The following UBR3 variants were observed in gnomAD, a reference collection of about 807,000 sequenced individuals.
UBR3 encodes ubiquitin protein ligase E3 component n-recognin 3.
In UBR3, 85 loss-of-function variants were observed where a neutral mutation model predicts 243.2. The ratio of observed to expected loss-of-function variants is 0.35; its 90% CI spans 0.29 to 0.42. UBR3 has a LOEUF of 0.42. UBR3 is among the 10% of genes least tolerant of loss of function. The pLI is 1.00. For synonymous variants in UBR3, 748 were observed against 799.8 expected (o/e 0.94, Z 1.09); for missense variants, 1,686 against 2,300.8 (o/e 0.73, Z 5.47).
At position 169,992,557 on chromosome 2, in the gene UBR3, A is replaced by G. The variant is rs1435318906; in HGVS notation, c.3785-1766A>G. Among the ~76,000 whole-genome samples the G allele has an allele frequency of 2.6e-5, 4 of 152,158 alleles. No individual in the cohort carries two copies. The South Asian group carries it at 6.2e-4, about 24-fold the overall frequency. ...TATTAAGAGGATTATGCATCATGGT[A>G]ATTATATTTTAGCTGGTAGCATCTA... is the stretch of plus-strand genomic sequence containing the variant. On this transcript the variant is annotated intron_variant, in intron 25 of 38. Coordinates refer to ENST00000272793, the MANE Select transcript of UBR3 (RefSeq NM_172070.4).
chr2:170,010,507 A>G lies in UBR3; in HGVS notation c.4367+1567A>G, dbSNP rs574732451. ...ATAAATCAAACAATTTGATTTAAAT[A>G]TAATTTAGTGGAAGTTTTAGATCCT... is the stretch of plus-strand genomic sequence containing the variant. On this transcript the variant is annotated intron_variant, in intron 29 of 38. Coordinates refer to ENST00000272793, the MANE Select transcript of UBR3 (RefSeq NM_172070.4). Among the ~76,000 whole-genome samples the G allele has an allele frequency of 4.6e-5, 7 of 152,336 alleles. No individual in the cohort carries two copies. In the South Asian group the frequency reaches 1.5e-3, roughly 32 times the overall value.
intron 27 of UBR3, 56 bp downstream of exon 27, chr2:170,001,470 CT>C: frequency 9.2e-7 from 1 of 1,083,412 alleles, no homozygotes. Context: ...GGTATTAAAT[CT>C]TTTTATAGTA....
At chr2:169,831,568 A>G (rs748987489) in intron 1 of UBR3, among the ~76,000 whole-genome samples, 4 of 152,154 alleles carry the variant, frequency 2.6e-5, no homozygotes, top group Non-Finnish European at 4.4e-5. Flanking sequence ...AATAAACAGT[A>G]TTGTGGCCAT....
chr2:170,001,939 A>AAAAAAAAAGAAAG (rs1553531165), intron 27 of UBR3, among the ~76,000 whole-genome samples: 1 of 116,164 alleles, frequency 8.6e-6, no homozygotes, highest in Non-Finnish European at 1.7e-5. Flanking sequence ...AAAAAAAAAA[A>AAAAAAAAAGAAAG]AAAGAAAGAA....
rs1017083421 is a variant in UBR3, at chr2:169,881,099, A to G, written c.1038+2525A>G. Among the ~76,000 whole-genome samples, 4 of 152,202 alleles carry G rather than the reference A, an allele frequency of 2.6e-5. No homozygotes were observed. In the East Asian group the frequency reaches 5.8e-4, roughly 22 times the overall value. On this transcript the variant is annotated intron_variant, in intron 5 of 38. Coordinates refer to ENST00000272793, the MANE Select transcript of UBR3 (RefSeq NM_172070.4). ...TCTCTCATAATACATTGTTTTTGTT[A>G]TAGCTGAGAAGATTTACTTTTAAAG...
intron 29 of UBR3, among the ~76,000 whole-genome samples, chr2:170,012,581 T>A (rs1191299855): frequency 6.6e-6 from 1 of 152,088 alleles, no homozygotes; most frequent in East Asian, 1.9e-4. Context: ...TATGTGTAAG[T>A]CCTTCTTTCT....
At chr2:170,021,451 C>T (rs940117827) in intron 30 of UBR3, among the ~76,000 whole-genome samples, 30 of 152,118 alleles carry the variant, frequency 2.0e-4, no homozygotes, top group Admixed American at 1.8e-3. Context: ...TGTAACCTCA[C>T]GTGGTGGAAG....
intron 30 of UBR3, among the ~76,000 whole-genome samples, chr2:170,021,850 T>G (rs2090399812): frequency 6.6e-6 from 1 of 152,206 alleles, no homozygotes; most frequent in Non-Finnish European, 1.5e-5. Flanking sequence ...GTGACTTAAG[T>G]AGCCAGGCCT....
Position 169,949,687 on chromosome 2 carries a change from A to C in UBR3, c.3167A>C (p.Glu1056Ala). Residue 1056 changes from glutamate to alanine, a missense_variant, in exon 23 of 39, where the codon GAA becomes GCA. This residue lies in a region of UBR3 where 300 missense variants were observed against 314.4 expected (regional missense o/e 0.95). Transcript: ENST00000272793. ...FQEIINRSSSEANQVVRPKTS... is the reference protein window; with the variant it reads ...FQEIINRSSSAANQVVRPKTS... ...GAAATCATCAATCGCAGTAGCAGTG[A>C]AGCAAATCAGGTGGTTCGTCCCAAA... The C allele has an allele frequency of 6.4e-7, 1 of 1,551,582 alleles. No individual in the cohort carries two copies. The highest frequency in any genetic ancestry group is 8.7e-7 in the Non-Finnish European group (1 of 1,146,728).
chr2:169,841,225 C>T (rs1176725388), intron 1 of UBR3, among the ~76,000 whole-genome samples: 2 of 152,154 alleles, frequency 1.3e-5, no homozygotes, highest in Non-Finnish European at 2.9e-5. Context: ...CATTGTCTCT[C>T]CTTGGATTTT....
Position 169,920,952 on chromosome 2 carries a change from G to A in UBR3, c.1867-2977G>A, listed in dbSNP as rs2085673954. Among the ~76,000 whole-genome samples, 3 of 152,132 alleles carry A rather than the reference G, an allele frequency of 2.0e-5. No individual in the cohort carries two copies. The South Asian group carries it at 6.2e-4, about 32-fold the overall frequency. Reference sequence around the variant, plus strand: ...TATGCAGGATAATGGTAGAAGTAGGGGTTATCACTAAAATCTAGGCACTAG... The same window carrying A: ...TATGCAGGATAATGGTAGAAGTAGGAGTTATCACTAAAATCTAGGCACTAG... On this transcript the variant is annotated intron_variant, in intron 11 of 38. Coordinates refer to ENST00000272793, the MANE Select transcript of UBR3 (RefSeq NM_172070.4).
chr2:170,012,151 G>C (rs1047371231), intron 29 of UBR3, among the ~76,000 whole-genome samples: 1 of 151,888 alleles, frequency 6.6e-6, no homozygotes, highest in African/African-American at 2.4e-5. Context: ...AAAATAAAAG[G>C]GACGCTTGCT....
intron 35 of UBR3, among the ~76,000 whole-genome samples, chr2:170,072,072 G>A (rs1280465302): frequency 1.3e-5 from 2 of 152,046 alleles, no homozygotes; most frequent in African/African-American, 4.8e-5. Flanking sequence ...CCATTACTGG[G>A]TATATACCCA....
intron 1 of UBR3, among the ~76,000 whole-genome samples, chr2:169,843,737 T>C (rs1317140190): frequency 2.0e-5 from 3 of 152,234 alleles, no homozygotes; most frequent in Non-Finnish European, 2.9e-5. Flanking sequence ...AAGAGGGATA[T>C]TGTACTGTAG....
intron 1 of UBR3, among the ~76,000 whole-genome samples, chr2:169,844,236 C>A (rs1044072574): frequency 1.3e-5 from 2 of 151,712 alleles, no homozygotes; most frequent in African/African-American, 2.4e-5. Flanking sequence ...CAAACTCAGG[C>A]GATCCACCCG....
intron 25 of UBR3, among the ~76,000 whole-genome samples, chr2:169,992,555 G>T (rs1311732650): frequency 6.6e-6 from 1 of 152,104 alleles, no homozygotes; most frequent in Non-Finnish European, 1.5e-5. Context: ...ATGCATCATG[G>T]TAATTATATT....
chr2:169,885,503 A>G (rs530216710), intron 5 of UBR3, among the ~76,000 whole-genome samples: 2 of 152,182 alleles, frequency 1.3e-5, no homozygotes, highest in African/African-American at 4.8e-5. Flanking sequence ...ACTTGAACCT[A>G]GGAGGCGGAG....
intron 27 of UBR3, among the ~76,000 whole-genome samples, chr2:170,003,802 G>A (rs1288725467): frequency 2.0e-5 from 3 of 152,012 alleles, no homozygotes; most frequent in Non-Finnish European, 4.4e-5. Context: ...CACCACGCCC[G>A]GCTAATTTTT....
intron 1 of UBR3, among the ~76,000 whole-genome samples, chr2:169,856,205 C>T (rs1238809790): frequency 3.9e-4 from 59 of 151,524 alleles, no homozygotes; most frequent in African/African-American, 9.5e-4. Context: ...GGGTCGCGGC[C>T]GGGCAGAGGC....
Sources: allele counts gnomAD v4.1 joint callset (sites outside exome capture counted in the v4.1 genomes callset), GRCh38; gene constraint gnomAD v4.1.1; regional missense constraint gnomAD v4.1.1; transcripts MANE v1.5; gene names NCBI Gene and HGNC (gene_info 2026-07-23, HGNC 2026-07-21).